PRKCB: variants seen among roughly 807,000 people sequenced by gnomAD.
The protein encoded by PRKCB is protein kinase C beta type.
In PRKCB, 13 loss-of-function variants were observed where a neutral mutation model predicts 81.5. That is an observed-to-expected ratio of 0.16 (90% CI 0.10 to 0.25). The LOEUF is 0.25. Ranked by LOEUF, PRKCB falls within the 10% of genes least tolerant of loss-of-function variation. PRKCB has a pLI of 1.00. For synonymous variants in PRKCB, 335 were observed against 321.4 expected (o/e 1.04, Z -0.45); for missense variants, 509 against 875.7 (o/e 0.58, Z 5.29).
Position 24,216,538 on chromosome 16 carries a change from A to G in PRKCB, c.*1722A>G, listed in dbSNP as rs561351683. 6 of 985,458 alleles carry G rather than the reference A, an allele frequency of 6.1e-6. No homozygotes were observed. The African/African-American group carries it at 8.7e-5, about 14-fold the overall frequency. 61.0% of individuals were successfully genotyped at this position (985,458 alleles called of 1,614,324 possible). On this transcript the variant is annotated 3_prime_UTR_variant, in exon 17 of 17. Transcript: ENST00000643927. ...TTCCAGGGCTTCTGAGAGACCATCA[A>G]GGGAACTTTAACAACTTGACAAATG...
chr16:24,181,025 G>T (rs1967613685), intron 13 of PRKCB, 97 bp downstream of exon 13: 2 of 1,452,762 alleles, frequency 1.4e-6, no homozygotes, highest in Non-Finnish European at 1.9e-6. Flanking sequence ...GTGGTACCTT[G>T]CAAGGGAACC....
chr16:23,850,367 T>C (rs1199034667), intron 2 of PRKCB, among the ~76,000 whole-genome samples: 1 of 97,650 alleles, frequency 1.0e-5, no homozygotes, highest in Non-Finnish European at 2.2e-5. Context: ...AAATTTAATT[T>C]AATTTTTTTT....
chr16:24,162,230 A>T (rs947374283), intron 10 of PRKCB, among the ~76,000 whole-genome samples: 1 of 151,992 alleles, frequency 6.6e-6, no homozygotes, highest in African/African-American at 2.4e-5. Context: ...TGGCCCAAGA[A>T]TGAGCCCCGA....
chr16:24,102,547 C>G (rs531457016), intron 7 of PRKCB, among the ~76,000 whole-genome samples: 2 of 152,218 alleles, frequency 1.3e-5, no homozygotes, highest in African/African-American at 2.4e-5. Context: ...GCAGAAACAG[C>G]AGATGCAGCT....
intron 11 of PRKCB, 49 bp from the exon 12 acceptor site, chr16:24,174,469 A>G (rs762464872): frequency 2.6e-6 from 4 of 1,522,034 alleles, no homozygotes; most frequent in South Asian, 2.3e-5. Flanking sequence ...TGCCAAGCAT[A>G]TGGTGTCCTT....
chr16:24,202,444 T>G (rs995067728), intron 16 of PRKCB, among the ~76,000 whole-genome samples: 1 of 152,330 alleles, frequency 6.6e-6, no homozygotes, highest in Middle Eastern at 3.4e-3. Context: ...TGTCTCATCT[T>G]TCTTGACCTC....
chr16:24,040,782 G>T (rs968712384), intron 5 of PRKCB, among the ~76,000 whole-genome samples: 2 of 152,138 alleles, frequency 1.3e-5, no homozygotes, highest in African/African-American at 4.8e-5. Context: ...TCTCATGGGA[G>T]GTAGAACATG....
At chr16:24,204,555 C>T (rs1473775995) in intron 16 of PRKCB, among the ~76,000 whole-genome samples, 1 of 152,056 alleles carries the variant, frequency 6.6e-6, no homozygotes, top group Admixed American at 6.6e-5. Flanking sequence ...GGTGAGTTTA[C>T]TTGAAGCCAA....
intron 2 of PRKCB, among the ~76,000 whole-genome samples, chr16:23,975,812 T>C (rs917356053): frequency 2.0e-5 from 3 of 152,160 alleles, no homozygotes; most frequent in African/African-American, 7.2e-5. Flanking sequence ...GGCCCACCCT[T>C]CAACTTCTCA....
chr16:23,865,513 A>G (rs58255106), intron 2 of PRKCB, among the ~76,000 whole-genome samples: 1 of 11,150 alleles, frequency 9.0e-5, no homozygotes, highest in Non-Finnish European at 1.5e-4. Flanking sequence ...ATATATATAT[A>G]TATATGTGTG....
At chr16:24,067,148 A>G (rs1184800890) in intron 5 of PRKCB, among the ~76,000 whole-genome samples, 1 of 152,136 alleles carries the variant, frequency 6.6e-6, no homozygotes, top group African/African-American at 2.4e-5. Flanking sequence ...CACTGTACCC[A>G]GTCAGTTTCT....
chr16:24,196,538 C>A (rs1343189945), intron 16 of PRKCB, among the ~76,000 whole-genome samples: 1 of 152,202 alleles, frequency 6.6e-6, no homozygotes, highest in Non-Finnish European at 1.5e-5. Context: ...CTTCCTGCAG[C>A]CTAACCTTGC....
intron 2 of PRKCB, among the ~76,000 whole-genome samples, chr16:23,961,799 T>A (rs1489176126): frequency 6.6e-6 from 1 of 152,186 alleles, no homozygotes; most frequent in Non-Finnish European, 1.5e-5. Flanking sequence ...AATGAGCCTT[T>A]CCTTGGAGCA....
At chr16:23,947,838 T>C (rs565512541) in intron 2 of PRKCB, among the ~76,000 whole-genome samples, 2 of 150,952 alleles carry the variant, frequency 1.3e-5, no homozygotes, top group Admixed American at 1.3e-4. Context: ...TGCCAAGAGC[T>C]AATGGGAGAC....
chr16:24,154,699 C>A lies in PRKCB; in HGVS notation c.1081C>A (p.Arg361=), dbSNP rs750377270. Reference sequence around the variant, plus strand: ...TCTTTCCCAGGTCATGCTTTCAGAACGAAAAGGCACAGATGAGCTCTATGC... The same window carrying A: ...TCTTTCCCAGGTCATGCTTTCAGAAAGAAAAGGCACAGATGAGCTCTATGC... ...GSFGKVMLSE[R]KGTDELYAVK... Residue 361 remains arginine (R), a synonymous_variant, in exon 10 of 17, where the codon CGA becomes AGA. Coordinates refer to ENST00000643927, the MANE Select transcript of PRKCB (RefSeq NM_002738.7). The A allele has an allele frequency of 8.7e-6, 14 of 1,613,964 alleles. No homozygotes were observed. The highest frequency in any genetic ancestry group is 1.2e-5 in the Non-Finnish European group (14 of 1,179,948).
intron 2 of PRKCB, among the ~76,000 whole-genome samples, chr16:23,915,689 C>CAAAAAAA (rs71154259): frequency 0.069 from 3,784 of 54,516 alleles, 619 homozygotes; most frequent in South Asian, 0.1. Flanking sequence ...GACTCTCTAT[C>CAAAAAAA]AAAAAAAAAA....
intron 2 of PRKCB, among the ~76,000 whole-genome samples, chr16:23,888,415 G>A (rs1388523382): frequency 6.6e-6 from 1 of 152,206 alleles, no homozygotes; most frequent in African/African-American, 2.4e-5. Flanking sequence ...CTGTAGCAGG[G>A]CCAGGCCACA....
At chr16:23,840,811 G>A (rs182033053) in intron 2 of PRKCB, among the ~76,000 whole-genome samples, 48 of 152,262 alleles carry the variant, frequency 3.2e-4, no homozygotes, top group African/African-American at 1.1e-3. Context: ...GTGTGCTCAG[G>A]GGAGCTTAAG....
rs1962269250 is a variant in PRKCB at position 23,841,743 on chromosome 16, C to T, written c.205+4337C>T. On this transcript the variant is annotated intron_variant, in intron 2 of 16. Transcript: ENST00000643927. ...TGATCTTAGCTCACTGCAACCTCCA[C>T]TTCCCAGGTTCAAGTGATTCTCGTG... Among the ~76,000 whole-genome samples, 3 of 141,678 alleles carry T rather than the reference C, an allele frequency of 2.1e-5. No homozygotes were observed. The South Asian group carries it at 7.0e-4, about 33-fold the overall frequency. 92.9% of individuals were successfully genotyped at this position (141,678 alleles called of 152,430 possible). A position where few individuals can be genotyped will look rare whatever the true frequency, so the allele number is the denominator to read the frequency against.
Sources: gnomAD v4.1 joint callset for allele counts (sites outside exome capture counted in the v4.1 genomes callset) on GRCh38, gnomAD v4.1.1 for gene constraint, MANE v1.5 for transcripts, NCBI Gene and HGNC (gene_info 2026-07-23, HGNC 2026-07-21) for gene names.